Variants in PRELID2 observed in about 807,000 individuals in gnomAD.
The protein encoded by PRELID2 is PRELI domain-containing protein 2.
Under a neutral mutation model 28.4 loss-of-function variants are expected in PRELID2, and 25 were observed. That is an observed-to-expected ratio of 0.88 (90% confidence interval 0.64 to 1.23). PRELID2 has a LOEUF of 1.23. Ranked by LOEUF, PRELID2 falls within the 50% of genes most tolerant of loss-of-function variation. The pLI is 0.00. For missense variants in PRELID2, 201 were observed against 214.4 expected (o/e 0.94, Z 0.39); for synonymous variants, 76 against 71.6 (o/e 1.06, Z -0.31).
chr5:145,381,771 T>TAG, the PRELID2 span: 2 of 152,136 alleles, frequency 1.3e-5, no homozygotes, highest in Non-Finnish European at 2.9e-5. Flanking sequence ...TACCACAAGT[T>TAG]CAAGATAATC....
At chr5:145,265,243 T>C in the PRELID2 span, among the ~76,000 whole-genome samples, 1 of 151,956 alleles carries the variant, frequency 6.6e-6, no homozygotes, top group Non-Finnish European at 1.5e-5. Context: ...ATAAAATACT[T>C]AGGAACATAC....
At chr5:145,259,788 A>C in the PRELID2 span, among the ~76,000 whole-genome samples, 1 of 152,136 alleles carries the variant, frequency 6.6e-6, no homozygotes, top group Non-Finnish European at 1.5e-5. Flanking sequence ...AGGAATTTGG[A>C]GGATTATGGG....
intron 4 of PRELID2, among the ~76,000 whole-genome samples, chr5:145,816,929 T>C (rs917841528): frequency 4.0e-5 from 6 of 151,856 alleles, no homozygotes; most frequent in Non-Finnish European, 7.4e-5. Context: ...GGGAGGCTGA[T>C]GTAGGAGAAT....
chr5:145,498,987 A>G (rs1254223229), intron 1 of PRELID2, among the ~76,000 whole-genome samples: 1 of 152,208 alleles, frequency 6.6e-6, no homozygotes, highest in African/African-American at 2.4e-5. Flanking sequence ...AAGACAAAAT[A>G]TAAATAGAAT....
intron 1 of PRELID2, among the ~76,000 whole-genome samples, chr5:145,560,508 T>TGACCCA (rs1380014593): frequency 1.3e-5 from 2 of 152,228 alleles, no homozygotes; most frequent in Non-Finnish European, 2.9e-5. Context: ...CACGTGCTGC[T>TGACCCA]GACCCACTAT....
At chr5:145,343,959 T>C in the PRELID2 span, among the ~76,000 whole-genome samples, 2 of 151,746 alleles carry the variant, frequency 1.3e-5, no homozygotes, top group East Asian at 3.9e-4. Context: ...AAGATTGAAA[T>C]AGGTAGAAAT....
intron 5 of PRELID2, among the ~76,000 whole-genome samples, chr5:145,785,601 C>A (rs1751942942): frequency 1.3e-5 from 2 of 152,172 alleles, no homozygotes; most frequent in South Asian, 4.1e-4. Flanking sequence ...TTCAGTCAGA[C>A]ACCAAAGGCT....
chr5:145,541,286 G>T (rs186151000), intron 1 of PRELID2, among the ~76,000 whole-genome samples: 3 of 152,190 alleles, frequency 2.0e-5, no homozygotes, highest in Non-Finnish European at 2.9e-5. Context: ...TTTAGTATGT[G>T]CAAAGCACAG....
intron 1 of PRELID2, among the ~76,000 whole-genome samples, chr5:145,475,889 A>G (rs1752096288): frequency 6.6e-6 from 1 of 152,236 alleles, no homozygotes; most frequent in Non-Finnish European, 1.5e-5. Context: ...TGAAATGTTT[A>G]TAATCATTAA....
At chr5:145,701,793 T>C (rs1755412420) in intron 1 of PRELID2, among the ~76,000 whole-genome samples, 1 of 152,216 alleles carries the variant, frequency 6.6e-6, no homozygotes, top group Non-Finnish European at 1.5e-5. Context: ...GGCTCACCCC[T>C]GTAATCCCAG....
chr5:145,795,072 A>G (rs1752646662), intron 5 of PRELID2: 1 of 152,170 alleles, frequency 6.6e-6, no homozygotes, highest in Non-Finnish European at 1.5e-5. Context: ...ATATAGCTGT[A>G]TTATAAAAAA....
chr5:145,303,513 C>G, the PRELID2 span, among the ~76,000 whole-genome samples: 3 of 152,156 alleles, frequency 2.0e-5, no homozygotes, highest in Non-Finnish European at 4.4e-5. Flanking sequence ...AGGCTCCAGG[C>G]TGGGAATCAC....
At chr5:145,744,697 T>C (rs1160916706) in intron 1 of PRELID2, among the ~76,000 whole-genome samples, 2 of 151,976 alleles carry the variant, frequency 1.3e-5, no homozygotes, top group Non-Finnish European at 2.9e-5. Flanking sequence ...ACAAAAACCC[T>C]ACCCAAGGGT....
At chr5:145,550,807 C>A (rs1458871399) in intron 1 of PRELID2, among the ~76,000 whole-genome samples, 1 of 152,040 alleles carries the variant, frequency 6.6e-6, no homozygotes, top group East Asian at 1.9e-4. Context: ...GGATTTAAAT[C>A]CCAGCACAAA....
chr5:145,588,381 A>C (rs578075230), intron 1 of PRELID2, among the ~76,000 whole-genome samples: 28 of 152,144 alleles, frequency 1.8e-4, no homozygotes, highest in Admixed American at 1.5e-3. Flanking sequence ...CAAAAGCCCT[A>C]CCTTTCCTTT....
the PRELID2 span, among the ~76,000 whole-genome samples, chr5:145,252,482 G>T: frequency 2.6e-5 from 4 of 151,914 alleles, no homozygotes; most frequent in Non-Finnish European, 5.9e-5. Context: ...CTTCATCCTA[G>T]GTTTATTGAG....
At chr5:145,499,373 A>G (rs1032577575) in intron 1 of PRELID2, among the ~76,000 whole-genome samples, 3 of 152,232 alleles carry the variant, frequency 2.0e-5, no homozygotes, top group African/African-American at 7.2e-5. Flanking sequence ...TAGAACTCTT[A>G]GTGATTTTCC....
intron 1 of PRELID2, among the ~76,000 whole-genome samples, chr5:145,597,291 T>A (rs987964753): frequency 6.6e-6 from 1 of 152,284 alleles, no homozygotes; most frequent in Middle Eastern, 3.4e-3. Flanking sequence ...TTTCCTTTAC[T>A]ATCCCTAGAA....
At chr5:145,568,820 G>A (rs994288723) in intron 1 of PRELID2, among the ~76,000 whole-genome samples, 1 of 152,176 alleles carries the variant, frequency 6.6e-6, no homozygotes, top group Non-Finnish European at 1.5e-5. Flanking sequence ...CAAAGAGAAG[G>A]CATCAGGTTA....
Sources: gnomAD v4.1 joint callset for allele counts (sites outside exome capture counted in the v4.1 genomes callset) on GRCh38, gnomAD v4.1.1 for gene constraint, MANE v1.5 for transcripts, NCBI Gene and HGNC (gene_info 2026-07-23, HGNC 2026-07-21) for gene names.